GPR20: variants seen among roughly 807,000 people sequenced by gnomAD.
The protein encoded by GPR20 is G protein-coupled receptor 20.
For missense variants in GPR20, 494 were observed against 527.4 expected, an observed-to-expected ratio of 0.94 and a Z score of 0.62; for synonymous variants, 241 against 241.9, an observed-to-expected ratio of 1.00 and a Z score of 0.04.
In GPR20 at chr8:141,356,910, A is replaced by G; in HGVS notation, c.1014T>C (p.His338=). ...CGTGAGGGCCGGCACTGAGGATGTG[A>G]TGACGGCCTGAGCCCTTGGAGCTCC... ...MHRSSKGSGR[H]HILSAGPHAL... Residue 338 remains histidine, a synonymous_variant, in exon 2 of 2, where the codon CAT becomes CAC. Transcript: ENST00000377741. 1 of 1,611,838 alleles carries G rather than the reference A, an allele frequency of 6.2e-7. No individual in the cohort carries two copies. Among genetic ancestry groups the G allele is most frequent in the South Asian group, 1.1e-5 (1 of 91,048 alleles).
chr8:141,364,653 C>T (rs1831787291), intron 1 of GPR20, among the ~76,000 whole-genome samples: 1 of 152,216 alleles, frequency 6.6e-6, no homozygotes, highest in Non-Finnish European at 1.5e-5. Context: ...TCAGTTCCAC[C>T]AGCTAAGAGC....
intron 1 of GPR20, among the ~76,000 whole-genome samples, chr8:141,362,414 C>A (rs1378225023): frequency 6.6e-6 from 1 of 152,196 alleles, no homozygotes; most frequent in Non-Finnish European, 1.5e-5. Flanking sequence ...GGGGGCTGAG[C>A]TCCCATCTGT....
At chr8:141,359,011 A>C (rs1360446410) in intron 1 of GPR20, among the ~76,000 whole-genome samples, 1 of 152,158 alleles carries the variant, frequency 6.6e-6, no homozygotes, top group Non-Finnish European at 1.5e-5. Context: ...CTATTTATAA[A>C]TGAAGGGTTA....
chr8:141,356,937 G>A lies in GPR20; in HGVS notation c.987C>T (p.His329=). 6.2e-7 allele frequency: 1 copy of A among 1,612,870 alleles called. No homozygotes were observed. The highest frequency in any genetic ancestry group is 8.5e-7 in the Non-Finnish European group (1 of 1,179,938). The change falls in exon 2 of 2, where the codon CAC becomes CAT. Residue 329 remains histidine, a synonymous_variant. Transcript: ENST00000377741. ...EPSSGDVVSM[H]RSSKGSGRHH... ...GACGGCCTGAGCCCTTGGAGCTCCTGTGCATGCTGACCACGTCACCGCTGC... is the reference window on the plus strand; with the variant it reads ...GACGGCCTGAGCCCTTGGAGCTCCTATGCATGCTGACCACGTCACCGCTGC...
chr8:141,357,237 G>A lies in GPR20; in HGVS notation c.687C>T (p.Leu229=). 6.5e-7 allele frequency: 1 copy of A among 1,549,186 alleles called. No individual in the cohort carries two copies. Residue 229 remains leucine (L), a synonymous_variant, in exon 2 of 2, where the codon CTC becomes CTT. Coordinates refer to ENST00000377741, the MANE Select transcript of GPR20 (RefSeq NM_005293.3). ...IMCALSRPGL[L]HQGRQRRVRA... ...GCACGCGGCGCTGGCGACCCTGGTG[G>A]AGCAGACCCGGCCGCGACAGTGCAC...
intron 1 of GPR20, among the ~76,000 whole-genome samples, chr8:141,366,938 C>T (rs1213928016): frequency 3.9e-5 from 6 of 152,224 alleles, no homozygotes; most frequent in Non-Finnish European, 5.9e-5. Context: ...CACCTAGCAG[C>T]GCAGCTCCCC....
intron 1 of GPR20, among the ~76,000 whole-genome samples, chr8:141,360,245 A>T (rs990914370): frequency 7.9e-5 from 12 of 152,180 alleles, no homozygotes; most frequent in African/African-American, 2.9e-4. Context: ...TCTGACCCTG[A>T]TCTCAAACAA....
intron 1 of GPR20, among the ~76,000 whole-genome samples, chr8:141,363,681 G>A (rs960485762): frequency 1.3e-5 from 2 of 152,244 alleles, no homozygotes; most frequent in South Asian, 2.1e-4. Flanking sequence ...GCCGGCCTCC[G>A]TCCTTGGCCG....
chr8:141,359,867 G>C (rs1342122003), intron 1 of GPR20, among the ~76,000 whole-genome samples: 1 of 152,202 alleles, frequency 6.6e-6, no homozygotes, highest in Non-Finnish European at 1.5e-5. Context: ...CTGGACTGAG[G>C]GACTGCATGG....
chr8:141,364,471 G>A (rs965647250), intron 1 of GPR20, among the ~76,000 whole-genome samples: 2 of 152,058 alleles, frequency 1.3e-5, no homozygotes, highest in Admixed American at 6.5e-5. Context: ...CTCACCCCAG[G>A]TCACCTAGCA....
rs755315702 is a variant in GPR20 at position 141,357,916 on chromosome 8, G to A, written c.8C>T (p.Ser3Phe). The change falls in exon 2 of 2, where the codon TCT becomes TTT. Residue 3 changes from serine (S) to phenylalanine (F), a missense_variant. By Grantham distance (155) the Ser-to-Phe change is radical. Coordinates refer to ENST00000377741, the MANE Select transcript of GPR20 (RefSeq NM_005293.3). Reference sequence around the variant, plus strand: ...GGCCGAGGGCCCCGCTGGAGACACAGAGGGCATGACGGCAGCCAGCACACC... The same window carrying A: ...GGCCGAGGGCCCCGCTGGAGACACAAAGGGCATGACGGCAGCCAGCACACC... MPSVSPAGPSAGA... is the reference protein window; with the variant it reads MPFVSPAGPSAGA... The A allele has an allele frequency of 1.9e-6, 3 of 1,552,690 alleles. No individual in the cohort carries two copies. Among genetic ancestry groups the A allele is most frequent in the Non-Finnish European group, 2.6e-6 (3 of 1,144,448 alleles).
intron 1 of GPR20, among the ~76,000 whole-genome samples, chr8:141,365,425 G>A (rs1212232004): frequency 2.0e-5 from 3 of 152,244 alleles, no homozygotes; most frequent in Admixed American, 1.3e-4. Flanking sequence ...CCCAGTGCCT[G>A]GGATCAGCCT....
chr8:141,359,169 T>A (rs1470362227), intron 1 of GPR20, among the ~76,000 whole-genome samples: 1 of 151,990 alleles, frequency 6.6e-6, no homozygotes, highest in Non-Finnish European at 1.5e-5. Context: ...CCCCACCTGC[T>A]GGAGAAGGGA....
At chr8:141,359,009 A>G (rs1399155899) in intron 1 of GPR20, among the ~76,000 whole-genome samples, 1 of 152,138 alleles carries the variant, frequency 6.6e-6, no homozygotes, top group Non-Finnish European at 1.5e-5. Context: ...CTCTATTTAT[A>G]AATGAAGGGT....
chr8:141,357,807 G>A lies in GPR20; in HGVS notation c.117C>T (p.Ala39=). The A allele has an allele frequency of 6.2e-7, 1 of 1,613,358 alleles. No individual in the cohort carries two copies. Among genetic ancestry groups the A allele is most frequent in the Non-Finnish European group, 8.5e-7 (1 of 1,179,916 alleles). The change falls in exon 2 of 2, where the codon GCC becomes GCT. Residue 39 remains alanine, a synonymous_variant. Transcript: ENST00000377741. ...GLEVPLFHLF[A]RLDEELHGTF... ...TGCCATGCAGCTCCTCGTCCAGCCG[G>A]GCAAACAGGTGGAACAGGGGCACCT...
chr8:141,365,813 C>T (rs935379285), intron 1 of GPR20, among the ~76,000 whole-genome samples: 5 of 152,112 alleles, frequency 3.3e-5, no homozygotes, highest in Non-Finnish European at 7.4e-5. Flanking sequence ...TGACGCCCCT[C>T]CTCAGGGAGG....
chr8:141,362,149 C>T (rs575121754), intron 1 of GPR20, among the ~76,000 whole-genome samples: 1 of 152,334 alleles, frequency 6.6e-6, no homozygotes, highest in African/African-American at 2.4e-5. Context: ...GGGGCCTAAA[C>T]ACTCCATGCG....
chr8:141,358,149 T>C (rs1831680986), intron 1 of GPR20, among the ~76,000 whole-genome samples: 1 of 152,250 alleles, frequency 6.6e-6, no homozygotes, highest in South Asian at 2.1e-4. Context: ...AGGCACAGGC[T>C]TTCAGAGTCA....
In GPR20 at chr8:141,356,786, G is replaced by T. The variant is rs1483363929; in HGVS notation, c.*61C>A. The T allele has an allele frequency of 5.8e-6, 7 of 1,198,086 alleles. No homozygotes were observed. The highest frequency in any genetic ancestry group is 4.5e-5 in the Admixed American group (2 of 44,276). 74.2% of individuals were successfully genotyped at this position (1,198,086 alleles called of 1,614,324 possible). A position where few individuals can be genotyped will look rare whatever the true frequency, so the allele number is the denominator to read the frequency against. The stretch of plus-strand genomic sequence containing the variant: ...CCGATTGCCACCCCTGGCATGGTGG[G>T]TGTCCACGCTGGCATGCCCAGATGA... On this transcript the variant is annotated 3_prime_UTR_variant, in exon 2 of 2. Transcript: ENST00000377741.
Sources: gnomAD v4.1 joint callset for allele counts (sites outside exome capture counted in the v4.1 genomes callset) on GRCh38, gnomAD v4.1.1 for gene constraint, MANE v1.5 for transcripts, NCBI Gene and HGNC (gene_info 2026-07-23, HGNC 2026-07-21) for gene names.